Variants in DLG1 observed in about 807,000 individuals in gnomAD.
The protein encoded by DLG1 is discs large MAGUK scaffold protein 1.
In DLG1, 42 loss-of-function variants were observed where a neutral mutation model predicts 123.4. The ratio of observed to expected loss-of-function variants is 0.34; its 90% CI spans 0.27 to 0.44. DLG1 has a LOEUF of 0.44. DLG1 is among the 20% of genes least tolerant of loss of function. DLG1 has a pLI of 1.00. For missense variants in DLG1, 942 were observed against 1,082.6 expected (o/e 0.87, Z 1.82); for synonymous variants, 317 against 356.2 (o/e 0.89, Z 1.24).
At position 197,127,012 on chromosome 3, in the gene DLG1, C is replaced by T. The variant is rs370257078; in HGVS notation, c.1165+3515G>A. Reference sequence around the variant, plus strand: ...GTACGTTTAAGATCTTTATTATTTACGGGTTCTTCAAACATTAACTCAATG... The same window carrying T: ...GTACGTTTAAGATCTTTATTATTTATGGGTTCTTCAAACATTAACTCAATG... On this transcript the variant is annotated intron_variant, in intron 11 of 24. Coordinates refer to ENST00000667157, the MANE Select transcript of DLG1 (RefSeq NM_001366207.1). Among the ~76,000 whole-genome samples, 214 of 152,242 alleles carry T rather than the reference C, an allele frequency of 1.4e-3. 7 individuals are homozygous for T. In the South Asian group the frequency reaches 0.042, roughly 30 times the overall value.
chr3:197,285,483 C>T (rs1297864641), intron 3 of DLG1, among the ~76,000 whole-genome samples: 4 of 151,878 alleles, frequency 2.6e-5, no homozygotes, highest in Admixed American at 6.6e-5. Context: ...AGATAAGCCA[C>T]AGACAGGGAG....
intron 23 of DLG1, among the ~76,000 whole-genome samples, chr3:197,059,405 A>T (rs552748950): frequency 2.8e-4 from 42 of 151,786 alleles, no homozygotes; most frequent in African/African-American, 9.4e-4. Context: ...TTTTTTCTTC[A>T]CCCCTTGTCT....
In DLG1 at chr3:197,101,272, G is replaced by A. The variant is rs144685243; in HGVS notation, c.1546+3631C>T. On this transcript the variant is annotated intron_variant, in intron 14 of 24. Coordinates refer to ENST00000667157, the MANE Select transcript of DLG1 (RefSeq NM_001366207.1). ...AGCTTATTCAACTACAACGTAAAAC[G>A]GGGATAACGGTGCTTACTTACAGGA... Among the ~76,000 whole-genome samples, 38 of 152,296 alleles carry A rather than the reference G, an allele frequency of 2.5e-4. No homozygotes were observed. The East Asian group carries it at 6.6e-3, about 26-fold the overall frequency.
chr3:197,127,842 C>T (rs1298387832), intron 11 of DLG1, among the ~76,000 whole-genome samples: 1 of 151,880 alleles, frequency 6.6e-6, no homozygotes, highest in Non-Finnish European at 1.5e-5. Flanking sequence ...TATGTTTACA[C>T]TATATTAAGT....
At chr3:197,139,637 ATTAT>A (rs965514137) in intron 8 of DLG1, among the ~76,000 whole-genome samples, 6 of 152,236 alleles carry the variant, frequency 3.9e-5, no homozygotes, top group African/African-American at 1.2e-4. Context: ...AAGAAAATAT[ATTAT>A]TTAAAGTTTG....
intron 4 of DLG1, chr3:197,260,321 C>A: frequency 2.4e-6 from 1 of 412,098 alleles, no homozygotes; most frequent in Non-Finnish European, 4.8e-6. Flanking sequence ...ATACATAAAG[C>A]AAAACTATTT....
intron 5 of DLG1, among the ~76,000 whole-genome samples, chr3:197,181,751 T>C (rs1242520702): frequency 6.7e-6 from 1 of 149,914 alleles, no homozygotes; most frequent in Non-Finnish European, 1.5e-5. Flanking sequence ...TACTCCTATT[T>C]CTAGAAATAA....
chr3:197,218,477 A>G (rs956845679), intron 4 of DLG1, among the ~76,000 whole-genome samples: 2 of 152,224 alleles, frequency 1.3e-5, no homozygotes, highest in African/African-American at 4.8e-5. Context: ...ACACAGCTAT[A>G]CTGTCAGAAC....
chr3:197,177,708 T>C (rs754415735), intron 5 of DLG1, among the ~76,000 whole-genome samples: 2 of 152,168 alleles, frequency 1.3e-5, no homozygotes, highest in Admixed American at 6.6e-5. Flanking sequence ...CTTTAATTAT[T>C]AATGATTCCC....
intron 5 of DLG1, among the ~76,000 whole-genome samples, chr3:197,154,051 C>T (rs1263976091): frequency 6.6e-6 from 1 of 152,174 alleles, no homozygotes; most frequent in East Asian, 1.9e-4. Context: ...GCCTGTAATC[C>T]TAGCACTTTG....
intron 14 of DLG1, among the ~76,000 whole-genome samples, chr3:197,102,401 T>TA (rs1763969909): frequency 6.6e-6 from 1 of 152,220 alleles, no homozygotes; most frequent in African/African-American, 2.4e-5. Context: ...CCCAAGCCTT[T>TA]AGGAAAGATA....
At chr3:197,128,626 C>T (rs970271932) in intron 11 of DLG1, among the ~76,000 whole-genome samples, 7 of 152,162 alleles carry the variant, frequency 4.6e-5, no homozygotes, top group Admixed American at 3.3e-4. Context: ...GATCCATCAG[C>T]GGAATCACTA....
chr3:197,180,631 GAGAC>G (rs1193333471), intron 5 of DLG1, among the ~76,000 whole-genome samples: 1 of 152,158 alleles, frequency 6.6e-6, no homozygotes, highest in Non-Finnish European at 1.5e-5. Flanking sequence ...ATAAAACTGA[GAGAC>G]AGTGTGTAAG....
intron 13 of DLG1, among the ~76,000 whole-genome samples, chr3:197,108,340 A>T (rs1163617177): frequency 6.6e-6 from 1 of 152,210 alleles, no homozygotes; most frequent in Non-Finnish European, 1.5e-5. Context: ...CCTCATGCTT[A>T]TTCCTTTTTG....
chr3:197,219,196 C>T (rs1204379297), intron 4 of DLG1, among the ~76,000 whole-genome samples: 3 of 152,042 alleles, frequency 2.0e-5, no homozygotes, highest in African/African-American at 7.2e-5. Flanking sequence ...TGTCCTCTTA[C>T]CTATCCTCTA....
intron 14 of DLG1, among the ~76,000 whole-genome samples, chr3:197,093,517 G>C (rs764390888): frequency 6.7e-6 from 1 of 150,048 alleles, no homozygotes; most frequent in Non-Finnish European, 1.5e-5. Context: ...TTAATAGTAA[G>C]TATATCCAGA....
At chr3:197,257,034 G>A (rs907262695) in intron 4 of DLG1, among the ~76,000 whole-genome samples, 3 of 152,054 alleles carry the variant, frequency 2.0e-5, no homozygotes, top group Admixed American at 6.6e-5. Context: ...GCCAACAGTA[G>A]AGGGCAGCAT....
intron 4 of DLG1, among the ~76,000 whole-genome samples, chr3:197,251,710 A>G (rs191052692): frequency 1.9e-4 from 29 of 152,322 alleles, no homozygotes; most frequent in Admixed American, 3.9e-4. Flanking sequence ...AAAAAACACA[A>G]TCAACAAAGT....
At chr3:197,197,764 T>C (rs1561401460) in intron 4 of DLG1, among the ~76,000 whole-genome samples, 1 of 152,200 alleles carries the variant, frequency 6.6e-6, no homozygotes, top group Admixed American at 6.5e-5. Context: ...CAAAGCTACA[T>C]TAATCAAGAC....
Sources: allele counts gnomAD v4.1 joint callset (sites outside exome capture counted in the v4.1 genomes callset), GRCh38; gene constraint gnomAD v4.1.1; transcripts MANE v1.5; gene names NCBI Gene and HGNC (gene_info 2026-07-23, HGNC 2026-07-21).